The following DIPK1A variants were observed in gnomAD, a reference collection of about 807,000 sequenced individuals.
The protein encoded by DIPK1A is family with sequence similarity 69 member A.
DIPK1A carries 27 observed loss-of-function variants against 40.8 expected under a neutral mutation model. The observed-to-expected ratio is 0.66, with a 90% CI of 0.49 to 0.91. The LOEUF (loss-of-function observed/expected upper bound fraction) is 0.91. Among genes scored for constraint, DIPK1A ranks in the 40% least tolerant of loss-of-function variants. DIPK1A has a pLI of 0.00. For synonymous variants in DIPK1A, 166 were observed against 171.3 expected (o/e 0.97, Z 0.24); for missense variants, 412 against 505.7 (o/e 0.81, Z 1.78).
intron 1 of DIPK1A, among the ~76,000 whole-genome samples, chr1:92,917,361 C>G (rs1650093104): frequency 1.3e-5 from 2 of 152,082 alleles, no homozygotes; most frequent in African/African-American, 4.8e-5. Flanking sequence ...AGTTTTTCAA[C>G]ACTACTTTGC....
At chr1:92,873,016 C>T (rs1226484632) in intron 2 of DIPK1A, among the ~76,000 whole-genome samples, 1 of 152,224 alleles carries the variant, frequency 6.6e-6, no homozygotes, top group African/African-American at 2.4e-5. Flanking sequence ...CCAGTAGGGG[C>T]TTTCCGCCAA....
chr1:92,884,013 A>G (rs1228039204), intron 1 of DIPK1A, among the ~76,000 whole-genome samples: 1 of 152,208 alleles, frequency 6.6e-6, no homozygotes, highest in African/African-American at 2.4e-5. Flanking sequence ...TTGCTATTAG[A>G]ATCCATTAAT....
chr1:92,879,356 G>C (rs529209453), intron 1 of DIPK1A, among the ~76,000 whole-genome samples: 3 of 152,162 alleles, frequency 2.0e-5, no homozygotes. Context: ...TAATGGTTCT[G>C]TGACAATATT....
chr1:92,856,025 T>A (rs1299423140), intron 2 of DIPK1A, among the ~76,000 whole-genome samples: 1 of 152,024 alleles, frequency 6.6e-6, no homozygotes, highest in African/African-American at 2.4e-5. Context: ...TGCAGTGAAA[T>A]GTGATTGTGC....
intron 1 of DIPK1A, among the ~76,000 whole-genome samples, chr1:92,924,309 CTT>C (rs202179647): frequency 1.4e-5 from 2 of 145,242 alleles, no homozygotes; most frequent in African/African-American, 2.5e-5. Context: ...CCTTTTTAAT[CTT>C]TTTTTTTTTT....
chr1:92,839,945 A>G (rs559956498), downstream of DIPK1A, among the ~76,000 whole-genome samples: 34 of 151,690 alleles, frequency 2.2e-4, no homozygotes, highest in Non-Finnish European at 3.5e-4. Flanking sequence ...GGCTCAAGCA[A>G]TTCTCCCACC....
chr1:92,888,610 T>C (rs944581943), intron 1 of DIPK1A, among the ~76,000 whole-genome samples: 1 of 152,224 alleles, frequency 6.6e-6, no homozygotes, highest in African/African-American at 2.4e-5. Context: ...AACCTCCATG[T>C]TGAGTTCCAT....
intron 4 of DIPK1A, chr1:92,833,288 A>T: frequency 3.2e-6 from 3 of 949,154 alleles, no homozygotes; most frequent in Non-Finnish European, 3.4e-6. Context: ...TTGTCTGTTT[A>T]CTCTTGAAGT....
chr1:92,904,599 A>C (rs568771166), intron 1 of DIPK1A, among the ~76,000 whole-genome samples: 1 of 152,124 alleles, frequency 6.6e-6, no homozygotes, highest in Non-Finnish European at 1.5e-5. Flanking sequence ...AATGAATAAT[A>C]ATCAACTGAG....
In DIPK1A at chr1:92,961,435, T is replaced by C; in HGVS notation, c.-6A>G. 1 of 1,503,402 alleles carries C rather than the reference T, an allele frequency of 6.7e-7. No homozygotes were observed. Among genetic ancestry groups the C allele is most frequent in the Admixed American group, 2.0e-5 (1 of 50,922 alleles). 93.1% of individuals were successfully genotyped at this position (1,503,402 alleles called of 1,614,324 possible). ...GGACAGAGACTCCTCGCCATGGTAATCACACATCGCCCCGCCGCGCTGCAG... is the reference window on the plus strand; with the variant it reads ...GGACAGAGACTCCTCGCCATGGTAACCACACATCGCCCCGCCGCGCTGCAG... On this transcript the variant is annotated 5_prime_UTR_variant, in exon 1 of 5. Transcript: ENST00000370310.
Position 92,945,122 on chromosome 1 carries a change from G to A in DIPK1A, c.54+16254C>T, listed in dbSNP as rs1006389681. Reference sequence around the variant, plus strand: ...GTGTAGTAGGCCTAGAAAAGCATCCGGTCACCATGGGAACGCAAGCATGGA... The same window carrying A: ...GTGTAGTAGGCCTAGAAAAGCATCCAGTCACCATGGGAACGCAAGCATGGA... On this transcript the variant is annotated intron_variant, in intron 1 of 4. Transcript: ENST00000370310. Among the ~76,000 whole-genome samples, 6 of 151,966 alleles carry A rather than the reference G, an allele frequency of 3.9e-5. 1 individual carries two copies. The highest frequency in any genetic ancestry group is 3.3e-4 in the Admixed American group (5 of 15,270).
chr1:92,940,600 G>A (rs956815482), intron 1 of DIPK1A, among the ~76,000 whole-genome samples: 10 of 152,266 alleles, frequency 6.6e-5, no homozygotes, highest in Middle Eastern at 3.4e-3. Context: ...GAGGTATTAT[G>A]GTTTTAAACT....
chr1:92,887,286 C>T (rs1173183290), intron 1 of DIPK1A, among the ~76,000 whole-genome samples: 1 of 147,318 alleles, frequency 6.8e-6, no homozygotes, highest in Non-Finnish European at 1.5e-5. Context: ...ATTAGCTAGG[C>T]ATAGTGGCAT....
chr1:92,921,887 CT>C (rs779819817), intron 1 of DIPK1A, among the ~76,000 whole-genome samples: 146 of 152,290 alleles, frequency 9.6e-4, no homozygotes, highest in Non-Finnish European at 1.3e-3. Flanking sequence ...AGAATGTGCT[CT>C]AATTGTTTGC....
At chr1:92,960,993 C>G (rs1652056605) in intron 1 of DIPK1A, among the ~76,000 whole-genome samples, 1 of 152,200 alleles carries the variant, frequency 6.6e-6, no homozygotes, top group South Asian at 2.1e-4. Flanking sequence ...GGGAAAGCCC[C>G]GAAAACACCA....
At chr1:92,892,001 G>C (rs560508752) in intron 1 of DIPK1A, among the ~76,000 whole-genome samples, 3 of 152,030 alleles carry the variant, frequency 2.0e-5, no homozygotes, top group African/African-American at 7.3e-5. Flanking sequence ...GGTAAACAAC[G>C]CGGCCAGGAA....
chr1:92,932,862 A>C (rs974228460), intron 1 of DIPK1A: 4 of 152,246 alleles, frequency 2.6e-5, no homozygotes, highest in African/African-American at 9.6e-5. Context: ...TGGTGAACAC[A>C]TGCCATTATA....
intron 4 of DIPK1A, chr1:92,834,057 C>T (rs1330031837): frequency 7.2e-6 from 2 of 279,080 alleles, no homozygotes; most frequent in Non-Finnish European, 6.9e-6. Context: ...AGATCACACC[C>T]AGCCCTCCAA....
chr1:92,912,841 C>T (rs1649883049), intron 1 of DIPK1A, among the ~76,000 whole-genome samples: 1 of 152,158 alleles, frequency 6.6e-6, no homozygotes, highest in Non-Finnish European at 1.5e-5. Context: ...TGGCTCACGC[C>T]TACAATCCCA....
Sources: gnomAD v4.1 joint callset for allele counts (sites outside exome capture counted in the v4.1 genomes callset) on GRCh38, gnomAD v4.1.1 for gene constraint, MANE v1.5 for transcripts, NCBI Gene and HGNC (gene_info 2026-07-23, HGNC 2026-07-21) for gene names.